Variants in PLCG2 observed in about 807,000 individuals in gnomAD.
The protein encoded by PLCG2 is 1-phosphatidylinositol 4,5-bisphosphate phosphodiesterase gamma-2.
A neutral mutation model predicts 175.6 loss-of-function variants in PLCG2; 69 were observed. That is an observed-to-expected ratio of 0.39 (90% CI 0.32 to 0.48). The LOEUF (loss-of-function observed/expected upper bound fraction) is 0.48. Ranked by LOEUF, PLCG2 falls within the 20% of genes least tolerant of loss-of-function variation. The probability of loss-of-function intolerance (pLI) is 0.91; values close to 1 mark genes in which losing one functional copy is unlikely to be tolerated. For missense variants in PLCG2, 1,798 were observed against 1,650.9 expected (o/e 1.09, Z -1.54); for synonymous variants, 827 against 624.0 (o/e 1.33, Z -4.85).
In PLCG2 at chr16:81,879,383, G is replaced by T. The variant is rs187248007; in HGVS notation, c.649-1527G>T. Among the ~76,000 whole-genome samples the T allele has an allele frequency of 3.2e-3, 484 of 152,288 alleles. 1 individual carries two copies. The highest frequency in any genetic ancestry group is 4.8e-3 in the Non-Finnish European group (325 of 68,028). On this transcript the variant is annotated intron_variant, in intron 7 of 32. Coordinates refer to ENST00000564138, the MANE Select transcript of PLCG2 (RefSeq NM_002661.5). ...TGCTGTAAATTACACATCAACGAAA[G>T]GAAGTACTTCTCAGTTTGCCTAAAA...
intron 2 of PLCG2, among the ~76,000 whole-genome samples, chr16:81,789,075 T>C (rs1911109626): frequency 6.6e-6 from 1 of 152,240 alleles, no homozygotes; most frequent in African/African-American, 2.4e-5. Context: ...TGTATACACC[T>C]GTGTAACAAA....
At chr16:81,802,806 G>C (rs1459232107) in intron 2 of PLCG2, among the ~76,000 whole-genome samples, 2 of 151,346 alleles carry the variant, frequency 1.3e-5, no homozygotes, top group Admixed American at 1.3e-4. Flanking sequence ...CCTGACCTCA[G>C]GTGATCCACC....
Position 81,912,701 on chromosome 16 carries a change from ATGC to A in PLCG2, c.2040_2042del (p.Ala681del). On this transcript the variant is annotated inframe_deletion, in exon 19 of 33. Coordinates refer to ENST00000564138, the MANE Select transcript of PLCG2 (RefSeq NM_002661.5). ...CGGAAGCGAGAGGGGAGCGACTCCT[ATGC>A]CATCACCTTCAGGTGGGTGCGAGGG... 1 of 1,608,870 alleles carries A rather than the reference ATGC, an allele frequency of 6.2e-7. No individual in the cohort carries two copies. Among genetic ancestry groups the A allele is most frequent in the Non-Finnish European group, 8.5e-7 (1 of 1,177,386 alleles).
At position 81,962,083 on chromosome 16, in the gene PLCG2, C is replaced by G. The variant is rs1418125792; in HGVS notation, c.*4085C>G. On this transcript the variant is annotated 3_prime_UTR_variant, in exon 33 of 33. Coordinates refer to ENST00000564138, the MANE Select transcript of PLCG2 (RefSeq NM_002661.5). ...CGCTCCGTCGAAGAGGACGACCAAC[C>G]CCGATAGAGGAGGACCGGTCTTCGG... 5.4e-6 allele frequency: 1 copy of G among 186,368 alleles called. No homozygotes were observed. Among genetic ancestry groups the G allele is most frequent in the Non-Finnish European group, 1.1e-5 (1 of 87,546 alleles). 11.5% of individuals were successfully genotyped at this position (186,368 alleles called of 1,614,324 possible). A position where few individuals can be genotyped will look rare whatever the true frequency, so the allele number is the denominator to read the frequency against.
intron 31 of PLCG2, among the ~76,000 whole-genome samples, chr16:81,948,171 A>G (rs1911225523): frequency 6.6e-6 from 1 of 151,306 alleles, no homozygotes; most frequent in African/African-American, 2.5e-5. Flanking sequence ...ATAATAAATC[A>G]AAGAAAAAAG....
At chr16:81,957,646 C>T (rs1464094971) in intron 32 of PLCG2, among the ~76,000 whole-genome samples, 2 of 152,154 alleles carry the variant, frequency 1.3e-5, no homozygotes, top group Non-Finnish European at 2.9e-5. Flanking sequence ...AAGAAAGAAT[C>T]ATCCAGACAA....
intron 2 of PLCG2, among the ~76,000 whole-genome samples, chr16:81,838,778 AATATATATATATATATAT>A (rs10549962): frequency 4.2e-5 from 6 of 141,694 alleles, no homozygotes; most frequent in Admixed American, 1.4e-4. Context: ...AGTAAAATTA[AATATATATATATATATAT>A]ATATATATAT....
At chr16:81,865,289 T>C (rs911603447) in intron 5 of PLCG2, among the ~76,000 whole-genome samples, 12 of 152,052 alleles carry the variant, frequency 7.9e-5, no homozygotes, top group African/African-American at 2.9e-4. Context: ...GCCGTTGGCT[T>C]CCTCCCCTGC....
intron 14 of PLCG2, among the ~76,000 whole-genome samples, chr16:81,902,917 TG>T (rs1216902312): frequency 1.3e-5 from 2 of 152,156 alleles, no homozygotes; most frequent in Admixed American, 6.5e-5. Context: ...CCAGATCTCA[TG>T]AGATGTGTTC....
At chr16:81,775,094 T>C (rs1025596751), upstream of PLCG2, among the ~76,000 whole-genome samples, 1 of 152,162 alleles carries the variant, frequency 6.6e-6, no homozygotes, top group Non-Finnish European at 1.5e-5. Flanking sequence ...TCACATCCCA[T>C]GCAACTCATG....
intron 1 of PLCG2, among the ~76,000 whole-genome samples, chr16:81,743,604 C>A (rs943828376): frequency 3.3e-5 from 5 of 152,190 alleles, no homozygotes; most frequent in Non-Finnish European, 5.9e-5. Context: ...GAGAACCAGA[C>A]TTAGGGCTTT....
chr16:81,894,680 C>G (rs1440163639), intron 12 of PLCG2, among the ~76,000 whole-genome samples: 1 of 152,116 alleles, frequency 6.6e-6, no homozygotes, highest in African/African-American at 2.4e-5. Context: ...TGAGATCAGT[C>G]TGGCCAACAT....
intron 1 of PLCG2, among the ~76,000 whole-genome samples, chr16:81,745,837 C>T (rs1909693572): frequency 6.6e-6 from 1 of 152,188 alleles, no homozygotes; most frequent in Non-Finnish European, 1.5e-5. Flanking sequence ...AGTTGGGAAC[C>T]TCTGCTTTCA....
In PLCG2 at chr16:81,786,002, G is replaced by T. The variant is rs556174475; in HGVS notation, c.13G>T (p.Val5Phe). The T allele has an allele frequency of 8.7e-6, 14 of 1,613,928 alleles. 1 individual carries two copies. The African/African-American group carries it at 1.5e-4, about 17-fold the overall frequency. Residue 5 changes from valine to phenylalanine, a missense_variant, in exon 2 of 33, where the codon GTC becomes TTC. Val to Phe is a conservative substitution (Grantham distance 50). Transcript: ENST00000564138. ...GGAGCGGCCGACAATGTCCACCACG[G>T]TCAATGTAGATTCCCTTGCGGAATA... MSTTVNVDSLAEYEK... is the reference protein window; with the variant it reads MSTTFNVDSLAEYEK...
intron 2 of PLCG2, among the ~76,000 whole-genome samples, chr16:81,791,330 A>T (rs937045754): frequency 6.6e-6 from 1 of 152,104 alleles, no homozygotes; most frequent in Non-Finnish European, 1.5e-5. Flanking sequence ...GAGATTTGCT[A>T]GATGGTTAGC....
intron 1 of PLCG2, among the ~76,000 whole-genome samples, chr16:81,744,462 C>A (rs143623971): frequency 4.0e-4 from 61 of 152,280 alleles, no homozygotes; most frequent in African/African-American, 1.4e-3. Flanking sequence ...CGCACCCAGT[C>A]CCCCAACTTC....
intron 2 of PLCG2, among the ~76,000 whole-genome samples, chr16:81,808,895 A>G (rs1904294819): frequency 6.6e-6 from 1 of 152,172 alleles, no homozygotes; most frequent in Non-Finnish European, 1.5e-5. Context: ...AGGGGCTCCC[A>G]TGAGATCAGG....
At chr16:81,873,447 T>C (rs1489178886) in intron 7 of PLCG2, among the ~76,000 whole-genome samples, 2 of 152,216 alleles carry the variant, frequency 1.3e-5, no homozygotes, top group African/African-American at 4.8e-5. Flanking sequence ...AGAATAATGA[T>C]GACAGTGTGC....
In PLCG2 at chr16:81,847,105, G is replaced by A. The variant is rs1194226728; in HGVS notation, c.194-7339G>A. Among the ~76,000 whole-genome samples, 7 of 152,208 alleles carry A rather than the reference G, an allele frequency of 4.6e-5. No homozygotes were observed. In the South Asian group the frequency reaches 6.2e-4, roughly 13 times the overall value. ...TTTGACTGACTGGCTATAAATTGGG[G>A]TTCCAATAACCCACTCCTTGGATTT... On this transcript the variant is annotated intron_variant, in intron 2 of 32. Transcript: ENST00000564138.
Sources: gnomAD v4.1 joint callset for allele counts (sites outside exome capture counted in the v4.1 genomes callset) on GRCh38, gnomAD v4.1.1 for gene constraint, MANE v1.5 for transcripts, NCBI Gene and HGNC (gene_info 2026-07-23, HGNC 2026-07-21) for gene names.